Variants in INTS7 observed in about 807,000 individuals in gnomAD.
The protein encoded by INTS7 is chromosome 1 open reading frame 73.
A neutral mutation model predicts 109.2 loss-of-function variants in INTS7; 46 were observed. The ratio of observed to expected loss-of-function variants is 0.42; its 90% CI spans 0.33 to 0.54. The LOEUF (loss-of-function observed/expected upper bound fraction) is 0.54. Among genes scored for constraint, INTS7 ranks in the 20% least tolerant of loss-of-function variants. INTS7 has a pLI of 0.07. For missense variants in INTS7, 929 were observed against 1,132.4 expected, an observed-to-expected ratio of 0.82 and a Z score of 2.58; for synonymous variants, 412 against 402.9, an observed-to-expected ratio of 1.02 and a Z score of -0.27.
intron 1 of INTS7, chr1:212,025,822 GAA>G (rs1666892734): frequency 6.6e-6 from 1 of 152,060 alleles, no homozygotes; most frequent in Admixed American, 6.6e-5. Context: ...AAGTATCTTA[GAA>G]TATCTCTGTC....
chr1:212,015,380 T>TG (rs1666376867), intron 4 of INTS7, among the ~76,000 whole-genome samples: 1 of 152,194 alleles, frequency 6.6e-6, no homozygotes, highest in South Asian at 2.1e-4. Context: ...TCTTCTGCCT[T>TG]GGGATGCTGT....
chr1:211,972,399 T>C (rs1664221142), intron 13 of INTS7, among the ~76,000 whole-genome samples: 1 of 152,204 alleles, frequency 6.6e-6, no homozygotes, highest in Non-Finnish European at 1.5e-5. Flanking sequence ...AATTCTGAAA[T>C]GCTCCAAAAT....
At chr1:211,945,131 T>C (rs944061968) in intron 18 of INTS7, among the ~76,000 whole-genome samples, 162 bp from the exon 19 acceptor site, 2 of 152,188 alleles carry the variant, frequency 1.3e-5, no homozygotes, top group Non-Finnish European at 2.9e-5. Flanking sequence ...AGATGTACCT[T>C]TAAAGTGCCT....
intron 6 of INTS7, 31 bp downstream of exon 6, chr1:212,007,219 A>G (rs1410360102): frequency 6.9e-7 from 1 of 1,457,038 alleles, no homozygotes; most frequent in African/African-American, 1.4e-5. Flanking sequence ...AGTTTACCAA[A>G]GATAGGCAGT....
At chr1:212,001,347 G>C (rs548479457) in intron 7 of INTS7, among the ~76,000 whole-genome samples, 2 of 151,988 alleles carry the variant, frequency 1.3e-5, no homozygotes, top group Non-Finnish European at 2.9e-5. Flanking sequence ...CACCACGCCC[G>C]GCCCAGAATT....
chr1:212,027,818 T>C (rs537723660), intron 1 of INTS7, among the ~76,000 whole-genome samples: 6 of 141,650 alleles, frequency 4.2e-5, no homozygotes, highest in East Asian at 2.0e-4. Context: ...TTTGAAAAGG[T>C]TGGCATCGAG....
At position 211,959,145 on chromosome 1, in the gene INTS7, G is replaced by A. The variant is rs1312303854; in HGVS notation, c.2184-6444C>T. Reference sequence around the variant, plus strand: ...GCTGCTTAGAGAAGTGTTAGGGGCCGTATTCTAGCCAATGCAGAGCCCAAA... The same window carrying A: ...GCTGCTTAGAGAAGTGTTAGGGGCCATATTCTAGCCAATGCAGAGCCCAAA... On this transcript the variant is annotated intron_variant, in intron 16 of 19. Transcript: ENST00000366994. The surrounding 1 kb of genome is among the most constrained non-coding windows in gnomAD (Gnocchi z 4.2). Among the ~76,000 whole-genome samples, 1 of 152,210 alleles carries A rather than the reference G, an allele frequency of 6.6e-6. No homozygotes were observed. The highest frequency in any genetic ancestry group is 1.5e-5 in the Non-Finnish European group (1 of 68,032).
rs757521497 is a variant in INTS7 at position 211,950,358 on chromosome 1, G to C, written c.2316+2211C>G. Among the ~76,000 whole-genome samples, 4 of 152,200 alleles carry C rather than the reference G, an allele frequency of 2.6e-5. No individual in the cohort carries two copies. In the South Asian group the frequency reaches 6.2e-4, roughly 24 times the overall value. ...GTGATCTCGGCTCACTGCAACCTCC[G>C]CCTCCCGGGTTCAAGTAATTCTCCT... On this transcript the variant is annotated intron_variant, in intron 17 of 19. Coordinates refer to ENST00000366994, the MANE Select transcript of INTS7 (RefSeq NM_015434.4).
intron 1 of INTS7, among the ~76,000 whole-genome samples, chr1:212,023,108 A>G (rs1002875437): frequency 1.3e-5 from 2 of 152,206 alleles, no homozygotes; most frequent in East Asian, 1.9e-4. Context: ...GCTGCATAGT[A>G]TTCCATGGTA....
intron 4 of INTS7, among the ~76,000 whole-genome samples, chr1:212,015,710 T>TAAAA (rs58204818): frequency 8.6e-5 from 3 of 34,976 alleles, no homozygotes; most frequent in Non-Finnish European, 1.5e-4. Flanking sequence ...CAATAAATAC[T>TAAAA]AAAAAAAAAA....
At chr1:211,952,507 C>T (rs1356664230) in intron 17 of INTS7, 62 bp downstream of exon 17, 10 of 1,542,932 alleles carry the variant, frequency 6.5e-6, no homozygotes, top group Non-Finnish European at 8.9e-7. Flanking sequence ...CAGTAAGTGC[C>T]ATAAATGTAT....
chr1:212,032,643 A>C (rs895149273), intron 1 of INTS7, among the ~76,000 whole-genome samples: 1 of 151,790 alleles, frequency 6.6e-6, no homozygotes. Flanking sequence ...CGCCTGGCTA[A>C]TTTTTTGTAT....
intron 9 of INTS7, among the ~76,000 whole-genome samples, chr1:211,981,827 C>T (rs1040159659): frequency 3.3e-5 from 5 of 152,146 alleles, no homozygotes; most frequent in African/African-American, 1.2e-4. Flanking sequence ...TGAGAACATA[C>T]AGCAGTTTTC....
intron 8 of INTS7, among the ~76,000 whole-genome samples, chr1:211,984,212 A>G (rs533225938): frequency 2.0e-5 from 3 of 152,262 alleles, no homozygotes; most frequent in South Asian, 4.2e-4. Flanking sequence ...TTATTTTTTC[A>G]AAACTGTGGA....
At position 211,969,202 on chromosome 1, in the gene INTS7, G is replaced by A. The variant is rs939010764; in HGVS notation, c.1816-495C>T. ...CGGGAGGCTGAGGCAGGAGAATGGC[G>A]TGAACCCGGGAGGCGGAGTCTGCTG... On this transcript the variant is annotated intron_variant, in intron 13 of 19. Coordinates refer to ENST00000366994, the MANE Select transcript of INTS7 (RefSeq NM_015434.4). Among the ~76,000 whole-genome samples the A allele has an allele frequency of 3.3e-5, 5 of 151,492 alleles. No homozygotes were observed. In the East Asian group the frequency reaches 5.8e-4, roughly 18 times the overall value.
At chr1:211,970,009 C>CG (rs1664101029) in intron 13 of INTS7, among the ~76,000 whole-genome samples, 1 of 152,116 alleles carries the variant, frequency 6.6e-6, no homozygotes, top group African/African-American at 2.4e-5. Flanking sequence ...AGAGCCACCG[C>CG]GCCTGGCTGT....
intron 10 of INTS7, among the ~76,000 whole-genome samples, chr1:211,980,256 T>C (rs1327002725): frequency 6.6e-6 from 1 of 152,112 alleles, no homozygotes; most frequent in East Asian, 1.9e-4. Flanking sequence ...ATATCACAAC[T>C]TTCCTTAACC....
intron 19 of INTS7, among the ~76,000 whole-genome samples, chr1:211,943,432 T>C (rs1662715926): frequency 6.6e-6 from 1 of 151,770 alleles, no homozygotes; most frequent in African/African-American, 2.4e-5. Context: ...GAAGAGAGAG[T>C]TGCAGACAGG....
chr1:211,967,451 C>CA (rs35896290), intron 15 of INTS7, among the ~76,000 whole-genome samples: 36,759 of 82,250 alleles, frequency 0.45, 8,416 homozygotes, highest in Middle Eastern at 0.56. Flanking sequence ...GACTCCATCT[C>CA]AAAAAAAAAA....
Sources: allele counts gnomAD v4.1 joint callset (sites outside exome capture counted in the v4.1 genomes callset), GRCh38; gene constraint gnomAD v4.1.1; non-coding constraint Gnocchi (gnomAD v3.1); transcripts MANE v1.5; gene names NCBI Gene and HGNC (gene_info 2026-07-23, HGNC 2026-07-21).